NTF3: variants seen among roughly 807,000 people sequenced by gnomAD.
The protein encoded by NTF3 is neurotrophin 3, also known as neurotrophin-3.
A neutral mutation model predicts 26.3 loss-of-function variants in NTF3; 8 were observed. The ratio of observed to expected loss-of-function variants is 0.30; its 90% CI spans 0.18 to 0.55. The LOEUF is 0.55. NTF3 is among the 20% of genes least tolerant of loss of function. NTF3 has a pLI of 0.93. For synonymous variants in NTF3, 154 were observed against 145.5 expected (o/e 1.06, Z -0.42); for missense variants, 276 against 352.9 (o/e 0.78, Z 1.75).
intron 1 of NTF3, among the ~76,000 whole-genome samples, chr12:5,437,491 T>G (rs537153008): frequency 6.6e-6 from 1 of 152,336 alleles, no homozygotes; most frequent in South Asian, 2.1e-4. Context: ...AGGCGGCTTC[T>G]GCTACAAGCT....
In NTF3 at chr12:5,494,316, C is replaced by T. The variant is rs1271106018; in HGVS notation, c.141C>T (p.Leu47=). The change falls in exon 2 of 2, where the codon CTC becomes CTT. Residue 47 remains leucine (L), a synonymous_variant. Transcript: ENST00000423158. This position sits in a 1 kb window ranked among gnomAD's most constrained non-coding sequence, Gnocchi z 8.3. ...RSLPEDSLNS[L]IIKLIQADIL... The stretch of plus-strand genomic sequence containing the variant: ...TGCCAGAAGACTCGCTCAATTCCCT[C>T]ATTATTAAGCTGATCCAGGCAGATA... The T allele has an allele frequency of 6.2e-6, 10 of 1,614,020 alleles. No individual in the cohort carries two copies. The highest frequency in any genetic ancestry group is 8.5e-6 in the Non-Finnish European group (10 of 1,180,040).
chr12:5,490,836 G>A (rs547946560), intron 1 of NTF3, among the ~76,000 whole-genome samples: 3 of 152,326 alleles, frequency 2.0e-5, no homozygotes, highest in African/African-American at 7.2e-5. Flanking sequence ...TGTGGGGACC[G>A]TGTTGGTAAA....
In NTF3 at chr12:5,495,205, C is replaced by G; in HGVS notation, c.*217C>G. On this transcript the variant is annotated 3_prime_UTR_variant, in exon 2 of 2. Coordinates refer to ENST00000423158, the MANE Select transcript of NTF3 (RefSeq NM_001102654.2). ...TTAAAACTTGTTTTGTGATCCGGCT[C>G]TCAGGAGTCACTCTGTAAAATCTGT... is the stretch of plus-strand genomic sequence containing the variant. 1 of 547,372 alleles carries G rather than the reference C, an allele frequency of 1.8e-6. No homozygotes were observed. The highest frequency in any genetic ancestry group is 3.5e-5 in the Admixed American group (1 of 28,900). The allele number at this position is 547,372 out of a possible 1,614,324, so 33.9% of individuals were successfully genotyped here.
Position 5,494,606 on chromosome 12 carries a change from A to G in NTF3, c.431A>G (p.Asn144Ser). ...TACGTGGGCAGCCCCGTGGTGGCGA[A>G]CAGAACATCACGGCGGAAACGGTAC... ...EDYVGSPVVA[N>S]RTSRRKRYAE... Residue 144 changes from asparagine to serine, a missense_variant, in exon 2 of 2, where the codon AAC becomes AGC. Coordinates refer to ENST00000423158, the MANE Select transcript of NTF3 (RefSeq NM_001102654.2). The surrounding 1 kb of genome is among the most constrained non-coding windows in gnomAD (Gnocchi z 8.3). 1 of 1,614,134 alleles carries G rather than the reference A, an allele frequency of 6.2e-7. No individual in the cohort carries two copies. The highest frequency in any genetic ancestry group is 8.5e-7 in the Non-Finnish European group (1 of 1,180,028).
intron 1 of NTF3, among the ~76,000 whole-genome samples, chr12:5,437,366 G>T (rs962945115): frequency 2.0e-5 from 3 of 152,214 alleles, no homozygotes; most frequent in Admixed American, 2.0e-4. Context: ...CCCCAGGCGG[G>T]ACAGGCCAGC....
At chr12:5,477,769 T>A (rs1029970131) in intron 1 of NTF3, among the ~76,000 whole-genome samples, 1 of 152,186 alleles carries the variant, frequency 6.6e-6, no homozygotes, top group South Asian at 2.1e-4. Context: ...TTTGAGAAGA[T>A]TAATGTATCA....
At chr12:5,470,143 C>T (rs1253352797) in intron 1 of NTF3, among the ~76,000 whole-genome samples, 1 of 152,158 alleles carries the variant, frequency 6.6e-6, no homozygotes, top group Non-Finnish European at 1.5e-5. Context: ...CCATGATGGT[C>T]TTGATCTCCT....
chr12:5,440,700 C>T (rs1940226040), intron 1 of NTF3, among the ~76,000 whole-genome samples: 1 of 152,182 alleles, frequency 6.6e-6, no homozygotes, highest in South Asian at 2.1e-4. Flanking sequence ...TGACTTTAAG[C>T]AAATCACTTT....
At chr12:5,455,948 G>T (rs137953518) in intron 1 of NTF3, among the ~76,000 whole-genome samples, 7 of 152,316 alleles carry the variant, frequency 4.6e-5, no homozygotes, top group Non-Finnish European at 1.0e-4. Flanking sequence ...CAGTCTGGGG[G>T]TCATGATCGC....
chr12:5,470,627 T>G (rs543523136), intron 1 of NTF3, among the ~76,000 whole-genome samples: 1 of 152,328 alleles, frequency 6.6e-6, no homozygotes, highest in African/African-American at 2.4e-5. Flanking sequence ...CCTCTTCATT[T>G]CCTGTCCCTG....
intron 1 of NTF3, among the ~76,000 whole-genome samples, chr12:5,462,790 A>G (rs1193989400): frequency 6.6e-6 from 1 of 152,204 alleles, no homozygotes; most frequent in Admixed American, 6.5e-5. Context: ...GTTAACACCC[A>G]TGTATTATGA....
At chr12:5,430,332 A>C (rs367612273), upstream of NTF3, among the ~76,000 whole-genome samples, 2 of 151,998 alleles carry the variant, frequency 1.3e-5, no homozygotes, top group African/African-American at 2.4e-5. Flanking sequence ...GAGCACGCCC[A>C]ATCCAAACCT....
chr12:5,453,167 G>A (rs1335915387), intron 1 of NTF3, among the ~76,000 whole-genome samples: 2 of 152,242 alleles, frequency 1.3e-5, no homozygotes, highest in Non-Finnish European at 2.9e-5. Flanking sequence ...AATACATGGT[G>A]TATTAAATTA....
At chr12:5,458,207 A>G (rs1176505787) in intron 1 of NTF3, among the ~76,000 whole-genome samples, 2 of 152,012 alleles carry the variant, frequency 1.3e-5, no homozygotes, top group Admixed American at 1.3e-4. Flanking sequence ...GCACCTGGGT[A>G]TTTGCTCACA....
Position 5,494,422 on chromosome 12 carries a change from C to A in NTF3, c.247C>A (p.Arg83=). The part of the protein sequence containing the change: ...QSTLPKAEAP[R]EPERGGPAKS... The stretch of plus-strand genomic sequence containing the variant: ...CACCCTGCCCAAAGCTGAGGCTCCC[C>A]GAGAGCCGGAGCGGGGAGGGCCCGC... Residue 83 remains arginine (R), a synonymous_variant, in exon 2 of 2, where the codon CGA becomes AGA. Transcript: ENST00000423158. This position sits in a 1 kb window ranked among gnomAD's most constrained non-coding sequence, Gnocchi z 8.3. 6.2e-7 allele frequency: 1 copy of A among 1,613,014 alleles called. No homozygotes were observed. Among genetic ancestry groups the A allele is most frequent in the Non-Finnish European group, 8.5e-7 (1 of 1,179,994 alleles).
At chr12:5,480,197 G>A (rs761538124) in intron 1 of NTF3, among the ~76,000 whole-genome samples, 1 of 152,156 alleles carries the variant, frequency 6.6e-6, no homozygotes, top group Non-Finnish European at 1.5e-5. Context: ...CTCATCAAAA[G>A]ATGCATCAGG....
At chr12:5,467,228 CAAAAAAAAAAAAAAAAA>C (rs60794349) in intron 1 of NTF3, among the ~76,000 whole-genome samples, 32 of 49,550 alleles carry the variant, frequency 6.5e-4, no homozygotes, top group African/African-American at 1.9e-3. Context: ...GACTCCGTCT[CAAAAAAAAAAAAAAAAA>C]AAAAAAAAAA....
chr12:5,491,740 A>ATTTTT (rs1940940316), intron 1 of NTF3, among the ~76,000 whole-genome samples: 1 of 132,842 alleles, frequency 7.5e-6, no homozygotes. Context: ...TTTTTTTTGA[A>ATTTTT]TTGGAGTCTT....
intron 1 of NTF3, among the ~76,000 whole-genome samples, chr12:5,486,880 GGTGTGTGTGTGTGTGTGT>G (rs10527557): frequency 8.7e-5 from 13 of 148,700 alleles, no homozygotes; most frequent in African/African-American, 3.0e-4. Flanking sequence ...GTAGTTACGT[GGTGTGTGTGTGTGTGTGT>G]GTGTGTGTGT....
Sources: gnomAD v4.1 joint callset for allele counts (sites outside exome capture counted in the v4.1 genomes callset) on GRCh38, gnomAD v4.1.1 for gene constraint, Gnocchi (gnomAD v3.1) non-coding constraint, MANE v1.5 for transcripts, NCBI Gene and HGNC (gene_info 2026-07-23, HGNC 2026-07-21) for gene names.